Variants in MSH4 observed in about 807,000 individuals in gnomAD.
MSH4 encodes the protein mutS homolog 4, also known as mutS protein homolog 4.
In MSH4, 106 loss-of-function variants were observed where a neutral mutation model predicts 113.7. That is an observed-to-expected ratio of 0.93 (90% CI 0.80 to 1.10). The LOEUF is 1.10. Ranked by LOEUF, MSH4 falls within the 50% of genes least tolerant of loss-of-function variation. The probability of loss-of-function intolerance (pLI) is 0.00; values close to 1 mark genes in which losing one functional copy is unlikely to be tolerated. For missense variants in MSH4, 1,061 were observed against 1,093.7 expected (o/e 0.97, Z 0.42); for synonymous variants, 368 against 380.2 (o/e 0.97, Z 0.37).
At chr1:75,810,162 T>C (rs1394816734) in intron 3 of MSH4, among the ~76,000 whole-genome samples, 1 of 151,980 alleles carries the variant, frequency 6.6e-6, no homozygotes. Context: ...ATATAGGAGA[T>C]ATATGTTCAA....
intron 7 of MSH4, among the ~76,000 whole-genome samples, chr1:75,837,005 T>G (rs780552671): frequency 1.3e-5 from 2 of 152,254 alleles, no homozygotes; most frequent in Non-Finnish European, 2.9e-5. Flanking sequence ...GAGCATTTGC[T>G]GTGATCTACA....
At chr1:75,881,885 G>A (rs1372345378) in intron 14 of MSH4, among the ~76,000 whole-genome samples, 2 of 151,910 alleles carry the variant, frequency 1.3e-5, no homozygotes, top group Admixed American at 6.6e-5. Flanking sequence ...TGAATACTTC[G>A]AGTTAGTGCT....
At chr1:75,863,758 A>G (rs1651508864) in intron 8 of MSH4, among the ~76,000 whole-genome samples, 2 of 152,084 alleles carry the variant, frequency 1.3e-5, no homozygotes, top group Non-Finnish European at 2.9e-5. Flanking sequence ...AGATGAACAC[A>G]CTCATTTCTC....
chr1:75,906,599 T>C (rs1309498001), intron 19 of MSH4, among the ~76,000 whole-genome samples: 3 of 108,298 alleles, frequency 2.8e-5, no homozygotes, highest in Non-Finnish European at 5.3e-5. Context: ...TAATTTATGA[T>C]TTTCATGAGG....
In MSH4 at chr1:75,876,924, A is replaced by G; in HGVS notation, c.1306-12A>G. 1.4e-6 allele frequency: 2 copies of G among 1,448,520 alleles called. No individual in the cohort carries two copies. Among genetic ancestry groups the G allele is most frequent in the South Asian group, 1.4e-5 (1 of 71,858 alleles). 89.7% of individuals were successfully genotyped at this position (1,448,520 alleles called of 1,614,324 possible). On this transcript the variant is annotated splice_polypyrimidine_tract_variant and intron_variant, in intron 9 of 19. Transcript: ENST00000263187. ...TGATTATCCTTAACTTTTTTATTTT[A>G]TTCTTTAATAGATTGCTATGAAGAA...
chr1:75,830,568 C>T (rs1650660731), intron 7 of MSH4, among the ~76,000 whole-genome samples: 1 of 152,172 alleles, frequency 6.6e-6, no homozygotes, highest in African/African-American at 2.4e-5. Flanking sequence ...CAAAGGGAAG[C>T]CCATCAGACT....
intron 19 of MSH4, among the ~76,000 whole-genome samples, chr1:75,906,527 T>A (rs1194249686): frequency 2.7e-5 from 1 of 36,816 alleles, no homozygotes; most frequent in African/African-American, 1.2e-4. Context: ...ATGTATATAT[T>A]ATATATAATA....
chr1:75,806,899 A>G, intron 2 of MSH4, 82 bp from the exon 3 acceptor site: 1 of 1,289,444 alleles, frequency 7.8e-7, no homozygotes, highest in Non-Finnish European at 1.0e-6. Flanking sequence ...TGTCCTCTTG[A>G]TTAAGAATTT....
intron 8 of MSH4, among the ~76,000 whole-genome samples, chr1:75,858,675 T>G (rs1651379415): frequency 6.6e-6 from 1 of 152,186 alleles, no homozygotes; most frequent in Non-Finnish European, 1.5e-5. Flanking sequence ...TGCCAGTATT[T>G]TATTGCGGAT....
chr1:75,882,587 T>G (rs758666007), intron 14 of MSH4, among the ~76,000 whole-genome samples: 4 of 151,560 alleles, frequency 2.6e-5, no homozygotes, highest in Non-Finnish European at 4.4e-5. Context: ...ATATTTGATT[T>G]TATTCTATAA....
At chr1:75,798,410 C>G (rs954398357) in intron 1 of MSH4, among the ~76,000 whole-genome samples, 8 of 152,110 alleles carry the variant, frequency 5.3e-5, no homozygotes, top group African/African-American at 1.9e-4. Context: ...GCTTTTTTTC[C>G]TAGGCCACTT....
At chr1:75,907,715 T>G (rs1254337034) in intron 19 of MSH4, among the ~76,000 whole-genome samples, 1 of 127,290 alleles carries the variant, frequency 7.9e-6, no homozygotes, top group African/African-American at 3.0e-5. Context: ...TATATATATA[T>G]ATATGTATAA....
intron 4 of MSH4, among the ~76,000 whole-genome samples, chr1:75,813,174 G>A (rs752872752): frequency 6.6e-6 from 1 of 152,124 alleles, no homozygotes; most frequent in African/African-American, 2.4e-5. Flanking sequence ...TGAATTCCAG[G>A]GAAGGATGCT....
intron 7 of MSH4, among the ~76,000 whole-genome samples, chr1:75,831,004 A>G (rs913239201): frequency 3.3e-5 from 5 of 152,206 alleles, no homozygotes; most frequent in Non-Finnish European, 7.3e-5. Flanking sequence ...CAAGTTGGAT[A>G]AAGAGTCAAG....
chr1:75,880,088 A>T lies in MSH4; in HGVS notation c.1716A>T (p.Ala572=), dbSNP rs1259526576. The T allele has an allele frequency of 6.3e-7, 1 of 1,598,660 alleles. No homozygotes were observed. The highest frequency in any genetic ancestry group is 8.5e-7 in the Non-Finnish European group (1 of 1,171,090). The part of the protein sequence containing the change: ...KVKNSYSFTS[A]DLIKMNERCQ... The stretch of plus-strand genomic sequence containing the variant: ...AAAATTCTTACAGCTTTACATCAGC[A>T]GATTTAATTAAAATGAATGAAAGAT... Residue 572 remains alanine (A), a synonymous_variant, in exon 13 of 20, where the codon GCA becomes GCT. Transcript: ENST00000263187.
intron 7 of MSH4, among the ~76,000 whole-genome samples, chr1:75,832,205 G>T (rs1451527680): frequency 6.6e-6 from 1 of 151,996 alleles, no homozygotes; most frequent in Non-Finnish European, 1.5e-5. Context: ...ATAAATTCCC[G>T]GAGACATACA....
chr1:75,842,119 G>T (rs1360335973), intron 7 of MSH4, among the ~76,000 whole-genome samples: 1 of 152,146 alleles, frequency 6.6e-6, no homozygotes, highest in Non-Finnish European at 1.5e-5. Context: ...AGAAAGGCAG[G>T]ACAACTCAAA....
chr1:75,815,318 T>C (rs968887766), intron 5 of MSH4, among the ~76,000 whole-genome samples, 182 bp downstream of exon 5: 2 of 152,190 alleles, frequency 1.3e-5, no homozygotes, highest in African/African-American at 2.4e-5. Context: ...TCATAATACA[T>C]AGTAATTATT....
intron 1 of MSH4, among the ~76,000 whole-genome samples, chr1:75,800,812 A>G (rs1336499940): frequency 6.6e-6 from 1 of 152,222 alleles, no homozygotes; most frequent in Non-Finnish European, 1.5e-5. Flanking sequence ...AGATAGATAT[A>G]GTGACCTGGA....
Sources: gnomAD v4.1 joint callset for allele counts (sites outside exome capture counted in the v4.1 genomes callset) on GRCh38, gnomAD v4.1.1 for gene constraint, MANE v1.5 for transcripts, NCBI Gene and HGNC (gene_info 2026-07-23, HGNC 2026-07-21) for gene names.